The following FAM20B variants were observed in gnomAD, a reference collection of about 807,000 sequenced individuals.
FAM20B encodes glycosaminoglycan xylosylkinase.
A neutral mutation model predicts 43.8 loss-of-function variants in FAM20B; 23 were observed. That is an observed-to-expected ratio of 0.53 (90% CI 0.38 to 0.74). FAM20B has a LOEUF of 0.74. FAM20B is among the 30% of genes least tolerant of loss of function. The pLI, the probability that FAM20B is intolerant of heterozygous loss-of-function variation, is 0.00. For synonymous variants in FAM20B, 178 were observed against 192.4 expected, an observed-to-expected ratio of 0.93 and a Z score of 0.62; for missense variants, 440 against 510.5, an observed-to-expected ratio of 0.86 and a Z score of 1.33.
the FAM20B span, among the ~76,000 whole-genome samples, chr1:179,018,474 T>C: frequency 6.6e-6 from 1 of 152,048 alleles, no homozygotes; most frequent in Non-Finnish European, 1.5e-5. Flanking sequence ...GCCTGGCTAA[T>C]TTTTTTATTT....
At chr1:179,066,687 C>T (rs1025992078) in intron 6 of FAM20B, 113 bp from the exon 7 acceptor site, 9 of 726,264 alleles carry the variant, frequency 1.2e-5, no homozygotes, top group Admixed American at 2.2e-5. Context: ...GCTGCTGGAG[C>T]GTGAAATTAT....
intron 1 of FAM20B, among the ~76,000 whole-genome samples, chr1:179,030,864 A>C (rs1029985571): frequency 2.8e-4 from 42 of 151,682 alleles, no homozygotes; most frequent in African/African-American, 9.9e-4. Flanking sequence ...ATATATTAGA[A>C]GAGACAGATG....
chr1:179,037,321 G>T (rs937216216), intron 1 of FAM20B, among the ~76,000 whole-genome samples: 3 of 150,572 alleles, frequency 2.0e-5, no homozygotes, highest in Admixed American at 6.6e-5. Flanking sequence ...CCAGGATGTG[G>T]TGACTGTAAT....
At position 179,044,108 on chromosome 1, in the gene FAM20B, C is replaced by T; in HGVS notation, c.261C>T (p.Val87=). The T allele has an allele frequency of 6.2e-7, 1 of 1,614,110 alleles. No individual in the cohort carries two copies. Among genetic ancestry groups the T allele is most frequent in the South Asian group, 1.1e-5 (1 of 91,074 alleles). Reference sequence around the variant, plus strand: ...AAGAGACACCAGAGCTGGGGGCAGTCATGCATGCCATGGCCACCAAGAAAA... The same window carrying T: ...AAGAGACACCAGAGCTGGGGGCAGTTATGCATGCCATGGCCACCAAGAAAA... ...YPEETPELGA[V]MHAMATKKII... is the part of the protein sequence containing the mutation. Residue 87 remains valine, a synonymous_variant, in exon 2 of 8, where the codon GTC becomes GTT. Transcript: ENST00000263733.
intron 4 of FAM20B, among the ~76,000 whole-genome samples, chr1:179,061,734 A>G (rs934572360): frequency 2.6e-5 from 4 of 151,976 alleles, no homozygotes; most frequent in Admixed American, 6.6e-5. Context: ...TTTTCATTCT[A>G]TCGTTGCTTC....
intron 1 of FAM20B, among the ~76,000 whole-genome samples, chr1:179,040,967 A>C (rs1264922239): frequency 2.3e-5 from 3 of 128,228 alleles, no homozygotes; most frequent in African/African-American, 3.1e-5. Flanking sequence ...CGCTCCTCAC[A>C]TCCCAGACGG....
intron 1 of FAM20B, among the ~76,000 whole-genome samples, chr1:179,042,030 A>G (rs1303842977): frequency 2.0e-5 from 3 of 152,130 alleles, no homozygotes; most frequent in Non-Finnish European, 2.9e-5. Context: ...TAAAATTTTC[A>G]GTGTATGTGG....
At chr1:179,024,632 T>A (rs1649683060), upstream of FAM20B, among the ~76,000 whole-genome samples, 1 of 152,244 alleles carries the variant, frequency 6.6e-6, no homozygotes, top group Admixed American at 6.5e-5. Flanking sequence ...ATACAATGCC[T>A]TCTGCATTTG....
At chr1:179,045,912 CAAAAA>C (rs748722949) in intron 2 of FAM20B, among the ~76,000 whole-genome samples, 1 of 149,214 alleles carries the variant, frequency 6.7e-6, no homozygotes, top group East Asian at 2.0e-4. Context: ...AACCAAAAAA[CAAAAA>C]AAAACCGTGG....
chr1:179,021,909 G>A (rs77669695), upstream of FAM20B, among the ~76,000 whole-genome samples: 1,510 of 152,250 alleles, frequency 9.9e-3, 47 homozygotes, highest in Admixed American at 0.06. Context: ...AATATTGCTA[G>A]AGTGAAAAAA....
At chr1:179,065,611 C>T (rs1021890113) in intron 6 of FAM20B, among the ~76,000 whole-genome samples, 7 of 152,166 alleles carry the variant, frequency 4.6e-5, no homozygotes, top group Admixed American at 6.5e-5. Context: ...GAACACCAGG[C>T]GCCTCATGCT....
chr1:179,036,044 C>T (rs1177931700), intron 1 of FAM20B, among the ~76,000 whole-genome samples: 2 of 152,238 alleles, frequency 1.3e-5, no homozygotes, highest in African/African-American at 2.4e-5. Context: ...GCAGGACAAT[C>T]GCTTGAATCC....
chr1:179,021,404 T>C (rs1231791352), upstream of FAM20B, among the ~76,000 whole-genome samples: 4 of 152,224 alleles, frequency 2.6e-5, no homozygotes, highest in Non-Finnish European at 4.4e-5. Flanking sequence ...GAATTAGCAA[T>C]CTGGAATTTG....
intron 1 of FAM20B, among the ~76,000 whole-genome samples, chr1:179,040,311 G>T (rs1012178612): frequency 5.3e-5 from 8 of 151,962 alleles, no homozygotes; most frequent in African/African-American, 1.9e-4. Flanking sequence ...AGGGGCAGCC[G>T]GGCAGAGGCG....
intron 4 of FAM20B, among the ~76,000 whole-genome samples, chr1:179,055,517 C>G (rs752706134): frequency 1.1e-4 from 17 of 152,170 alleles, no homozygotes; most frequent in Non-Finnish European, 1.8e-4. Flanking sequence ...CTATACTTTT[C>G]TTATAGATAA....
chr1:179,056,997 A>G (rs937052812), intron 4 of FAM20B, among the ~76,000 whole-genome samples: 1 of 152,158 alleles, frequency 6.6e-6, no homozygotes, highest in African/African-American at 2.4e-5. Flanking sequence ...GTCAAGTTTT[A>G]GGAGTTCTTG....
chr1:179,043,847 C>T lies in FAM20B; in HGVS notation c.-1C>T. 1.3e-6 allele frequency: 2 copies of T among 1,586,794 alleles called. No individual in the cohort carries two copies. Among genetic ancestry groups the T allele is most frequent in the Non-Finnish European group, 1.7e-6 (2 of 1,161,722 alleles). On this transcript the variant is annotated 5_prime_UTR_variant, in exon 2 of 8. Coordinates refer to ENST00000263733, the MANE Select transcript of FAM20B (RefSeq NM_014864.4). Reference sequence around the variant, plus strand: ...TCAGGGGAGAAGGAAAAGAGGTCAACATGAAGCTAAAGCAGCGAGTCGTGC... The same window carrying T: ...TCAGGGGAGAAGGAAAAGAGGTCAATATGAAGCTAAAGCAGCGAGTCGTGC...
At chr1:179,037,086 A>T (rs956298097) in intron 1 of FAM20B, among the ~76,000 whole-genome samples, 12 of 152,246 alleles carry the variant, frequency 7.9e-5, no homozygotes, top group African/African-American at 2.9e-4. Flanking sequence ...GAAGCTATTT[A>T]GGATACAGCT....
chr1:179,059,159 T>C (rs1651353240), intron 4 of FAM20B, among the ~76,000 whole-genome samples: 1 of 152,156 alleles, frequency 6.6e-6, no homozygotes, highest in Non-Finnish European at 1.5e-5. Flanking sequence ...AAGGAGAGCA[T>C]GGAGACTGAG....
Sources: gnomAD v4.1 joint callset for allele counts (sites outside exome capture counted in the v4.1 genomes callset) on GRCh38, gnomAD v4.1.1 for gene constraint, MANE v1.5 for transcripts, NCBI Gene and HGNC (gene_info 2026-07-23, HGNC 2026-07-21) for gene names.